B4GALT1: variants seen among roughly 807,000 people sequenced by gnomAD.
B4GALT1 encodes beta-1,4-galactosyltransferase 1, also known as N-acetyllactosamine synthase.
A neutral mutation model predicts 34.9 loss-of-function variants in B4GALT1; 16 were observed. That is an observed-to-expected ratio of 0.46 (90% CI 0.31 to 0.70). The LOEUF (loss-of-function observed/expected upper bound fraction) is 0.70. B4GALT1 is among the 30% of genes least tolerant of loss of function. B4GALT1 has a pLI of 0.05. For synonymous variants in B4GALT1, 221 were observed against 218.1 expected (o/e 1.01, Z -0.12); for missense variants, 445 against 530.5 (o/e 0.84, Z 1.58).
intron 2 of B4GALT1, among the ~76,000 whole-genome samples, chr9:33,124,874 T>C (rs12342831): frequency 0.26 from 39,075 of 152,120 alleles, 5,394 homozygotes; most frequent in East Asian, 0.53. Flanking sequence ...TGATTAGAGT[T>C]TCTCACAGCA....
intron 1 of B4GALT1, among the ~76,000 whole-genome samples, chr9:33,161,893 A>G (rs1840680409): frequency 6.6e-6 from 1 of 152,182 alleles, no homozygotes; most frequent in Non-Finnish European, 1.5e-5. Flanking sequence ...AGCAGGTATG[A>G]CTACTGAATA....
At chr9:33,157,023 TA>T (rs1840602896) in intron 1 of B4GALT1, among the ~76,000 whole-genome samples, 2 of 146,988 alleles carry the variant, frequency 1.4e-5, no homozygotes, top group African/African-American at 5.1e-5. Context: ...AGGAAAACCC[TA>T]ATGTCCAGAA....
chr9:33,160,230 C>T (rs1311125096), intron 1 of B4GALT1, among the ~76,000 whole-genome samples: 2 of 151,480 alleles, frequency 1.3e-5, no homozygotes, highest in African/African-American at 4.9e-5. Flanking sequence ...GTACATAAAG[C>T]TTTCTGCACA....
chr9:33,167,035 G>C lies in B4GALT1; in HGVS notation c.135C>G (p.Arg45=). 1 of 1,599,554 alleles carries C rather than the reference G, an allele frequency of 6.3e-7. No individual in the cohort carries two copies. Among genetic ancestry groups the C allele is most frequent in the Non-Finnish European group, 8.5e-7 (1 of 1,178,378 alleles). The part of the protein sequence containing the change: ...GVTLVYYLAG[R]DLSRLPQLVG... ...CCAGTTGGGGCAGGCGGCTCAGGTCGCGGCCAGCCAGGTAGTAAACGAGGG... is the reference window on the plus strand; with the variant it reads ...CCAGTTGGGGCAGGCGGCTCAGGTCCCGGCCAGCCAGGTAGTAAACGAGGG... Residue 45 remains arginine, a synonymous_variant, in exon 1 of 6, where the codon CGC becomes CGG. Coordinates refer to ENST00000379731, the MANE Select transcript of B4GALT1 (RefSeq NM_001497.4).
chr9:33,181,460 A>ACACACAC, the B4GALT1 span, among the ~76,000 whole-genome samples: 12 of 151,622 alleles, frequency 7.9e-5, no homozygotes, highest in South Asian at 2.1e-4. Flanking sequence ...ACACACACAC[A>ACACACAC]AACTATTCTT....
chr9:33,150,718 T>C (rs1331282243), intron 1 of B4GALT1, among the ~76,000 whole-genome samples: 1 of 152,190 alleles, frequency 6.6e-6, no homozygotes, highest in Non-Finnish European at 1.5e-5. Context: ...AAGCCAATTT[T>C]ATTGTAGGTT....
At chr9:33,114,812 G>A (rs1839916263) in intron 4 of B4GALT1, among the ~76,000 whole-genome samples, 3 of 152,006 alleles carry the variant, frequency 2.0e-5, no homozygotes, top group Admixed American at 6.5e-5. Flanking sequence ...CATAGAAAGT[G>A]TTAGGTCCTT....
chr9:33,142,649 C>T (rs1170983665), intron 1 of B4GALT1, among the ~76,000 whole-genome samples: 1 of 152,096 alleles, frequency 6.6e-6, no homozygotes, highest in Non-Finnish European at 1.5e-5. Flanking sequence ...CAGTTTCTCG[C>T]TCTGTTACCC....
At position 33,151,621 on chromosome 9, in the gene B4GALT1, C is replaced by G. The variant is rs147525727; in HGVS notation, c.412+15137G>C. Among the ~76,000 whole-genome samples, 11 of 152,322 alleles carry G rather than the reference C, an allele frequency of 7.2e-5. No individual in the cohort carries two copies. In the South Asian group the frequency reaches 1.7e-3, roughly 23 times the overall value. On this transcript the variant is annotated intron_variant, in intron 1 of 5. Coordinates refer to ENST00000379731, the MANE Select transcript of B4GALT1 (RefSeq NM_001497.4). Reference sequence around the variant, plus strand: ...TGAAATAATACATATACATACTTATCGCATGTTCTTATTGAGCTAATAGAT... The same window carrying G: ...TGAAATAATACATATACATACTTATGGCATGTTCTTATTGAGCTAATAGAT...
chr9:33,149,479 C>A (rs931598042), intron 1 of B4GALT1, among the ~76,000 whole-genome samples: 2 of 152,022 alleles, frequency 1.3e-5, no homozygotes, highest in Non-Finnish European at 2.9e-5. Flanking sequence ...GGCGTTTCAC[C>A]ATGTTATGTT....
chr9:33,170,567 A>G (rs1840831362), upstream of B4GALT1, among the ~76,000 whole-genome samples: 1 of 152,206 alleles, frequency 6.6e-6, no homozygotes, highest in Non-Finnish European at 1.5e-5. Flanking sequence ...ATTAAGAATC[A>G]CAGACCTGTC....
In B4GALT1 at chr9:33,120,409, T is replaced by C. The variant is rs1221482070; in HGVS notation, c.836+10A>G. The C allele has an allele frequency of 1.2e-6, 2 of 1,612,400 alleles. No homozygotes were observed. Among genetic ancestry groups the C allele is most frequent in the Admixed American group, 1.7e-5 (1 of 60,020 alleles). On this transcript the variant is annotated intron_variant, in intron 3 of 5. Coordinates refer to ENST00000379731, the MANE Select transcript of B4GALT1 (RefSeq NM_001497.4). ...ATGTTTACCACAGATTCTGACTGAG[T>C]ATCTCTTACCTGAATCCAAACTTAT...
chr9:33,157,118 A>AC (rs1840606746), intron 1 of B4GALT1, among the ~76,000 whole-genome samples: 5 of 97,714 alleles, frequency 5.1e-5, no homozygotes, highest in African/African-American at 2.1e-4. Context: ...CAGCATAGGG[A>AC]ACTACACACA....
chr9:33,126,662 A>ATAGTTAAC, intron 2 of B4GALT1, among the ~76,000 whole-genome samples: 1 of 45,224 alleles, frequency 2.2e-5, no homozygotes, highest in South Asian at 7.5e-4. Flanking sequence ...TAACCATAGC[A>ATAGTTAAC]ATATGGTAGC....
At chr9:33,125,155 G>C (rs1191462531) in intron 2 of B4GALT1, among the ~76,000 whole-genome samples, 1 of 152,196 alleles carries the variant, frequency 6.6e-6, no homozygotes, top group Non-Finnish European at 1.5e-5. Context: ...CCACAAGATG[G>C]GGACTGGAGA....
upstream of B4GALT1, among the ~76,000 whole-genome samples, chr9:33,171,996 C>T (rs1201693431): frequency 6.6e-6 from 1 of 152,186 alleles, no homozygotes; most frequent in Non-Finnish European, 1.5e-5. Context: ...CCCAAAAGTT[C>T]AACTAATTAA....
chr9:33,151,485 C>A (rs1840516986), intron 1 of B4GALT1, among the ~76,000 whole-genome samples: 1 of 152,152 alleles, frequency 6.6e-6, no homozygotes, highest in Non-Finnish European at 1.5e-5. Flanking sequence ...ACTCAGCCAG[C>A]CAAGTACTCC....
At chr9:33,109,234 A>G (rs1343676313), downstream of B4GALT1, among the ~76,000 whole-genome samples, 1 of 152,204 alleles carries the variant, frequency 6.6e-6, no homozygotes, top group Non-Finnish European at 1.5e-5. Context: ...TAAAAACCAG[A>G]AGGACAGGGT....
chr9:33,152,913 G>C (rs1458717932), intron 1 of B4GALT1, among the ~76,000 whole-genome samples: 1 of 151,920 alleles, frequency 6.6e-6, no homozygotes, highest in African/African-American at 2.4e-5. Context: ...AATACAAATG[G>C]GCAAGCCAGC....
Sources: gnomAD v4.1 joint callset for allele counts (sites outside exome capture counted in the v4.1 genomes callset) on GRCh38, gnomAD v4.1.1 for gene constraint, MANE v1.5 for transcripts, NCBI Gene and HGNC (gene_info 2026-07-23, HGNC 2026-07-21) for gene names.